Variants in CCSER2 observed in about 807,000 individuals in gnomAD.
CCSER2 encodes the protein serine-rich coiled-coil domain-containing protein 2.
CCSER2 carries 46 observed loss-of-function variants against 92.3 expected under a neutral mutation model. That is an observed-to-expected ratio of 0.50 (90% CI 0.39 to 0.64). The LOEUF (loss-of-function observed/expected upper bound fraction) is 0.64, where lower values mean the gene tolerates loss of function less well. CCSER2 is among the 30% of genes least tolerant of loss of function. The pLI is 0.00. For synonymous variants in CCSER2, 433 were observed against 431.4 expected (o/e 1.00, Z -0.04); for missense variants, 1,244 against 1,238.9 (o/e 1.00, Z -0.06).
intron 6 of CCSER2, among the ~76,000 whole-genome samples, chr10:84,441,748 T>A (rs12769347): frequency 1.8e-5 from 1 of 54,430 alleles, no homozygotes; most frequent in Admixed American, 2.1e-4. Context: ...TTTTTTTTTT[T>A]TTTTTTTTTT....
rs557261246 is a variant in CCSER2, at chr10:84,461,112, G to A, written c.2065-2821G>A. Among the ~76,000 whole-genome samples, 4 of 151,964 alleles carry A rather than the reference G, an allele frequency of 2.6e-5. No individual in the cohort carries two copies. In the East Asian group the frequency reaches 5.8e-4, roughly 22 times the overall value. On this transcript the variant is annotated intron_variant, in intron 6 of 9. Coordinates refer to ENST00000372088, the MANE Select transcript of CCSER2 (RefSeq NM_001284240.2). ...CTTTAGTTGCATTCCACAAATTTTGGTATGTGGTGTCTGTTATTTTCCTTC... is the reference window on the plus strand; with the variant it reads ...CTTTAGTTGCATTCCACAAATTTTGATATGTGGTGTCTGTTATTTTCCTTC...
intron 9 of CCSER2, among the ~76,000 whole-genome samples, chr10:84,512,202 A>G (rs373655065): frequency 1.3e-5 from 2 of 152,202 alleles, no homozygotes; most frequent in Admixed American, 6.5e-5. Flanking sequence ...ATGATGCAGT[A>G]TAAATAGATC....
rs1424236187 is a variant in CCSER2, at chr10:84,464,014, A to C, written c.2146A>C (p.Lys716Gln). 6.3e-7 allele frequency: 1 copy of C among 1,579,242 alleles called. No homozygotes were observed. Among genetic ancestry groups the C allele is most frequent in the African/African-American group, 1.3e-5 (1 of 74,330 alleles). Reference protein sequence around the residue: ...PEPEDGDKVYKNEDLLNEIKQ... With the variant: ...PEPEDGDKVYQNEDLLNEIKQ... ...ACCAGAAGATGGTGATAAAGTATAT[A>C]AGGTATGACTATGTAGTCATGCTGG... The change falls in exon 7 of 10, where the codon AAG (lysine) becomes CAG (glutamine). Residue 716 changes from lysine to glutamine, a missense_variant and splice_region_variant. Physicochemically the swap from Lys to Gln is moderately conservative, Grantham distance 53. Transcript: ENST00000372088.
chr10:84,335,225 TC>T (rs1319685143), intron 1 of CCSER2, among the ~76,000 whole-genome samples: 3 of 111,688 alleles, frequency 2.7e-5, no homozygotes, highest in African/African-American at 7.0e-5. Context: ...CTTCTCTCTC[TC>T]TCTTTTTTTT....
intron 6 of CCSER2, among the ~76,000 whole-genome samples, chr10:84,457,307 TTA>T (rs1845748917): frequency 1.9e-5 from 1 of 53,568 alleles, no homozygotes; most frequent in Admixed American, 3.7e-4. Context: ...ATATAATATG[TTA>T]TATATAATAT....
chr10:84,359,878 A>G (rs370204030), intron 1 of CCSER2, among the ~76,000 whole-genome samples: 9 of 151,840 alleles, frequency 5.9e-5, no homozygotes, highest in Non-Finnish European at 1.0e-4. Flanking sequence ...CAGTCGTGCA[A>G]TGTCAGCTCA....
chr10:84,365,149 A>G (rs1285463204), intron 1 of CCSER2, among the ~76,000 whole-genome samples: 3 of 152,232 alleles, frequency 2.0e-5, no homozygotes, highest in Non-Finnish European at 4.4e-5. Flanking sequence ...GCACTGGTCC[A>G]GATATTAGTC....
At position 84,513,778 on chromosome 10, in the gene CCSER2, C is replaced by A. The variant is rs1393985400; in HGVS notation, c.2655C>A (p.Pro885=). ...NNQISDMQFI[P]TSLQTPPESS... ...AAATTAGTGACATGCAGTTTATACC[C>A]ACTTCTCTTCAGACACCTCCCGAGT... The change falls in exon 10 of 10, where the codon CCC becomes CCA. Residue 885 remains proline, a synonymous_variant. Transcript: ENST00000372088. 1 of 1,536,534 alleles carries A rather than the reference C, an allele frequency of 6.5e-7. No homozygotes were observed. Among genetic ancestry groups the A allele is most frequent in the Non-Finnish European group, 8.7e-7 (1 of 1,146,878 alleles).
intron 5 of CCSER2, among the ~76,000 whole-genome samples, chr10:84,428,137 T>C (rs564604534): frequency 6.6e-6 from 1 of 152,284 alleles, no homozygotes; most frequent in Admixed American, 6.5e-5. Flanking sequence ...ACCCTCTGTT[T>C]GCTTAGTCCT....
chr10:84,504,930 C>T (rs1273069401), intron 9 of CCSER2, among the ~76,000 whole-genome samples: 2 of 152,050 alleles, frequency 1.3e-5, no homozygotes, highest in African/African-American at 4.8e-5. Flanking sequence ...AGAGTCTGAA[C>T]CTTAAATATT....
chr10:84,425,985 T>A (rs1843415159), intron 5 of CCSER2, 92 bp downstream of exon 5: 1 of 937,310 alleles, frequency 1.1e-6, no homozygotes, highest in Non-Finnish European at 1.5e-6. Context: ...AACCTGTTTT[T>A]GTCTGGTTTG....
intron 9 of CCSER2, among the ~76,000 whole-genome samples, chr10:84,492,983 T>G (rs1848254755): frequency 6.6e-6 from 1 of 152,198 alleles, no homozygotes; most frequent in Non-Finnish European, 1.5e-5. Context: ...ATAAATACTT[T>G]GGAAGGTGTT....
At chr10:84,473,555 A>G (rs1846945437) in intron 8 of CCSER2, among the ~76,000 whole-genome samples, 1 of 152,178 alleles carries the variant, frequency 6.6e-6, no homozygotes, top group Non-Finnish European at 1.5e-5. Context: ...TCACTCAAAG[A>G]TTTTAACAGT....
chr10:84,352,073 G>C (rs1279861115), intron 1 of CCSER2, among the ~76,000 whole-genome samples: 1 of 152,158 alleles, frequency 6.6e-6, no homozygotes, highest in East Asian at 1.9e-4. Flanking sequence ...GGCCGAGGCA[G>C]GCGGATCACG....
At chr10:84,473,937 C>A (rs1846973566) in intron 8 of CCSER2, among the ~76,000 whole-genome samples, 1 of 152,116 alleles carries the variant, frequency 6.6e-6, no homozygotes, top group Non-Finnish European at 1.5e-5. Context: ...TCAACTCCAA[C>A]CTATGTTTGC....
At chr10:84,494,793 A>G (rs1848356345) in intron 9 of CCSER2, among the ~76,000 whole-genome samples, 1 of 152,198 alleles carries the variant, frequency 6.6e-6, no homozygotes, top group African/African-American at 2.4e-5. Flanking sequence ...AGACCAAAGT[A>G]TTATCTGTTC....
At chr10:84,397,957 A>AT (rs1841928530) in intron 3 of CCSER2, among the ~76,000 whole-genome samples, 1 of 152,240 alleles carries the variant, frequency 6.6e-6, no homozygotes, top group Non-Finnish European at 1.5e-5. Flanking sequence ...TAATTATAGC[A>AT]TTTGAGAAAC....
Position 84,373,783 on chromosome 10 carries a change from G to A in CCSER2, c.1582G>A (p.Gly528Arg). Residue 528 changes from glycine to arginine, a missense_variant, in exon 3 of 10, where the codon GGG becomes AGG. Physicochemically the swap from Gly to Arg is moderately radical, Grantham distance 125. Coordinates refer to ENST00000372088, the MANE Select transcript of CCSER2 (RefSeq NM_001284240.2). ...ACCCATTGGAAATGTCCATCCAGTT[G>A]GGAGCTATGAGTCCTCTGAAATGAA... ...LEPIGNVHPV[G>R]SYESSEMNSI... The A allele has an allele frequency of 6.2e-7, 1 of 1,613,682 alleles. No individual in the cohort carries two copies. Among genetic ancestry groups the A allele is most frequent in the Non-Finnish European group, 8.5e-7 (1 of 1,179,708 alleles).
intron 7 of CCSER2, among the ~76,000 whole-genome samples, chr10:84,464,435 G>GTT (rs11427286): frequency 1.1e-4 from 17 of 151,356 alleles, no homozygotes; most frequent in African/African-American, 2.2e-4. Context: ...GAGTGAAAGT[G>GTT]TTTTTTTATA....
Sources: gnomAD v4.1 joint callset for allele counts (sites outside exome capture counted in the v4.1 genomes callset) on GRCh38, gnomAD v4.1.1 for gene constraint, MANE v1.5 for transcripts, NCBI Gene and HGNC (gene_info 2026-07-23, HGNC 2026-07-21) for gene names.